Variants in PRAG1 observed in about 807,000 individuals in gnomAD.
PRAG1 encodes the protein PEAK1 related, kinase-activating pseudokinase 1.
Under a neutral mutation model 95.6 loss-of-function variants are expected in PRAG1, and 110 were observed. That is an observed-to-expected ratio of 1.15 (90% CI 0.99 to 1.35). The LOEUF (loss-of-function observed/expected upper bound fraction) is 1.35, where lower values mean the gene tolerates loss of function less well. Ranked by LOEUF, PRAG1 falls within the 40% of genes most tolerant of loss-of-function variation. The pLI is 0.00. For missense variants in PRAG1, 2,554 were observed against 1,864.7 expected (o/e 1.37, Z -6.81); for synonymous variants, 1,052 against 819.4 (o/e 1.28, Z -4.85).
chr8:8,364,631 A>C (rs1039676574), intron 3 of PRAG1, among the ~76,000 whole-genome samples: 2 of 149,916 alleles, frequency 1.3e-5, no homozygotes, highest in African/African-American at 4.9e-5. Flanking sequence ...ACTTTTACAT[A>C]CACTATATGA....
chr8:8,357,308 T>C (rs1030371355), intron 3 of PRAG1, among the ~76,000 whole-genome samples: 20 of 151,874 alleles, frequency 1.3e-4, no homozygotes, highest in Admixed American at 3.3e-4. Flanking sequence ...ATATCCAAAA[T>C]AAACAAACAA....
intron 3 of PRAG1, among the ~76,000 whole-genome samples, chr8:8,340,095 T>C (rs1011786209): frequency 2.0e-5 from 3 of 152,224 alleles, no homozygotes; most frequent in Non-Finnish European, 4.4e-5. Flanking sequence ...GATTTCTTTT[T>C]TTACCTGGTA....
intron 3 of PRAG1, among the ~76,000 whole-genome samples, chr8:8,360,268 G>T (rs950925539): frequency 1.3e-5 from 2 of 152,106 alleles, no homozygotes; most frequent in Admixed American, 1.3e-4. Context: ...TGTAACATCT[G>T]TCTTGCCCTC....
intron 4 of PRAG1, among the ~76,000 whole-genome samples, chr8:8,338,903 T>C (rs139015340): frequency 6.6e-6 from 1 of 152,196 alleles, no homozygotes. Flanking sequence ...GCCACAACTA[T>C]GGAAAAACAA....
In PRAG1 at chr8:8,376,717, C is replaced by A. The variant is rs1426727412; in HGVS notation, c.1692G>T (p.Gly564=). 1.9e-6 allele frequency: 3 copies of A among 1,610,474 alleles called. No individual in the cohort carries two copies. Among genetic ancestry groups the A allele is most frequent in the Non-Finnish European group, 2.5e-6 (3 of 1,179,966 alleles). ...GGTCAGCCAGCGGTGACACTGGGGG[C>A]CCTCCAGCAGACGGTGACACCGGGG... ...VGSPVSPSAG[G]PPVSPLADLS... The change falls in exon 3 of 6, where the codon GGG becomes GGT. Residue 564 remains glycine, a synonymous_variant. Coordinates refer to ENST00000615670, the MANE Select transcript of PRAG1 (RefSeq NM_001080826.3).
At chr8:8,348,647 A>T (rs1208791491) in intron 3 of PRAG1, among the ~76,000 whole-genome samples, 1 of 151,936 alleles carries the variant, frequency 6.6e-6, no homozygotes, top group Non-Finnish European at 1.5e-5. Flanking sequence ...CTCCCTTTCA[A>T]ACCATCTCCA....
Position 8,328,090 on chromosome 8 carries a change from G to C in PRAG1, c.2692C>G (p.Leu898Val). 6.2e-7 allele frequency: 1 copy of C among 1,610,690 alleles called. No homozygotes were observed. Among genetic ancestry groups the C allele is most frequent in the Non-Finnish European group, 8.5e-7 (1 of 1,177,506 alleles). Residue 898 changes from leucine to valine, a missense_variant, in exon 5 of 6, where the codon CTG becomes GTG. By Grantham distance (32) the Leu-to-Val change is conservative. Coordinates refer to ENST00000615670, the MANE Select transcript of PRAG1 (RefSeq NM_001080826.3). ...GSGHWLPAAG[L>V]AGNRGGCGSP... The stretch of plus-strand genomic sequence containing the variant: ...CCGCAGCCGCCTCTGTTGCCCGCCA[G>C]CCCTGCTGCCGGAAGCCAGTGGCCA...
chr8:8,345,061 G>GTGTGTT (rs1381304408), intron 3 of PRAG1, among the ~76,000 whole-genome samples: 2,890 of 149,258 alleles, frequency 0.019, 77 homozygotes, highest in African/African-American at 0.063. Flanking sequence ...GTGTGTGTGT[G>GTGTGTT]TGTGTGTGTG....
At chr8:8,351,870 C>T (rs1799533326) in intron 3 of PRAG1, among the ~76,000 whole-genome samples, 1 of 152,178 alleles carries the variant, frequency 6.6e-6, no homozygotes, top group African/African-American at 2.4e-5. Context: ...CCCCAGCACA[C>T]ATCTACCTCT....
intron 2 of PRAG1, among the ~76,000 whole-genome samples, chr8:8,379,347 G>A (rs1040228020): frequency 2.0e-5 from 3 of 152,110 alleles, no homozygotes; most frequent in Non-Finnish European, 4.4e-5. Flanking sequence ...CCTCCTTCTG[G>A]TCTAAAGTCC....
intron 3 of PRAG1, 125 bp downstream of exon 3, chr8:8,376,122 A>G (rs1800377189): frequency 7.5e-7 from 1 of 1,336,022 alleles, no homozygotes; most frequent in Non-Finnish European, 1.0e-6. Flanking sequence ...AAATTTACAT[A>G]AAGGCACAAG....
At chr8:8,336,775 C>G (rs1384393796) in intron 4 of PRAG1, among the ~76,000 whole-genome samples, 1 of 151,966 alleles carries the variant, frequency 6.6e-6, no homozygotes, top group Admixed American at 6.6e-5. Context: ...AACATTGACA[C>G]AAAAGTGGCA....
In PRAG1 at chr8:8,371,975, G is replaced by A. The variant is rs953441113; in HGVS notation, c.2162+4272C>T. ...TTTAGACACTGAAACCACATGAATC[G>A]GTCTTATTTCTTAGTCACCTGTCAT... On this transcript the variant is annotated intron_variant, in intron 3 of 5. Coordinates refer to ENST00000615670, the MANE Select transcript of PRAG1 (RefSeq NM_001080826.3). Among the ~76,000 whole-genome samples the A allele has an allele frequency of 3.3e-5, 5 of 152,222 alleles. No homozygotes were observed. In the East Asian group the frequency reaches 5.8e-4, roughly 18 times the overall value.
intron 4 of PRAG1, among the ~76,000 whole-genome samples, chr8:8,338,669 C>A (rs1167929431): frequency 6.6e-6 from 1 of 152,200 alleles, no homozygotes; most frequent in Non-Finnish European, 1.5e-5. Context: ...CAGCCAGTAC[C>A]TATTGTTTAG....
intron 3 of PRAG1, among the ~76,000 whole-genome samples, chr8:8,352,517 T>C (rs1799555691): frequency 6.6e-6 from 1 of 152,214 alleles, no homozygotes; most frequent in Non-Finnish European, 1.5e-5. Context: ...ATCACTTTTA[T>C]TCATCTTCTT....
At chr8:8,322,261 A>G (rs1798495119) in intron 5 of PRAG1, among the ~76,000 whole-genome samples, 1 of 151,978 alleles carries the variant, frequency 6.6e-6, no homozygotes, top group South Asian at 2.1e-4. Context: ...GCTCACTGCA[A>G]TGTCTGCCTC....
intron 2 of PRAG1, among the ~76,000 whole-genome samples, chr8:8,378,888 A>G (rs940373515): frequency 1.3e-5 from 2 of 151,802 alleles, no homozygotes; most frequent in Non-Finnish European, 2.9e-5. Flanking sequence ...TAATAATAAT[A>G]ATAAAGAAAA....
rs768456374 is a variant in PRAG1, at chr8:8,377,314, G to A, written c.1095C>T (p.Tyr365=). Residue 365 remains tyrosine, a synonymous_variant, in exon 3 of 6, where the codon TAC becomes TAT. Transcript: ENST00000615670. ...GGGCAGGTTCCTTCATGAGGGAGCA[G>A]TAATCACTCTCGAGGTGGGGGACGA... is the stretch of plus-strand genomic sequence containing the variant. ...SPFVPHLESD[Y]CSLMKEPAPE... is the part of the protein sequence containing the mutation. The A allele has an allele frequency of 1.9e-6, 3 of 1,612,368 alleles. No homozygotes were observed. Among genetic ancestry groups the A allele is most frequent in the Non-Finnish European group, 1.7e-6 (2 of 1,179,802 alleles).
intron 3 of PRAG1, among the ~76,000 whole-genome samples, chr8:8,371,548 C>T (rs1310678556): frequency 6.6e-6 from 1 of 152,048 alleles, no homozygotes; most frequent in Non-Finnish European, 1.5e-5. Context: ...TGTGAGCCAC[C>T]GCGCCCGACC....
Sources: allele counts gnomAD v4.1 joint callset (sites outside exome capture counted in the v4.1 genomes callset), GRCh38; gene constraint gnomAD v4.1.1; transcripts MANE v1.5; gene names NCBI Gene and HGNC (gene_info 2026-07-23, HGNC 2026-07-21).